Variants in SMG6 observed in about 807,000 individuals in gnomAD.
SMG6 encodes the protein SMG6 nonsense mediated mRNA decay factor, also known as telomerase-binding protein EST1A.
A neutral mutation model predicts 142.2 loss-of-function variants in SMG6; 66 were observed. The ratio of observed to expected loss-of-function variants is 0.46; its 90% CI spans 0.38 to 0.57. The LOEUF (loss-of-function observed/expected upper bound fraction) is 0.57, where lower values mean the gene tolerates loss of function less well. Ranked by LOEUF, SMG6 falls within the 20% of genes least tolerant of loss-of-function variation. The probability of loss-of-function intolerance (pLI) is 0.00; values close to 1 mark genes in which losing one functional copy is unlikely to be tolerated. For synonymous variants in SMG6, 779 were observed against 702.4 expected, an observed-to-expected ratio of 1.11 and a Z score of -1.72; for missense variants, 1,793 against 1,832.0, an observed-to-expected ratio of 0.98 and a Z score of 0.39.
intron 10 of SMG6, among the ~76,000 whole-genome samples, chr17:2,192,021 T>C (rs1378370252): frequency 1.3e-5 from 2 of 152,196 alleles, no homozygotes; most frequent in Non-Finnish European, 2.9e-5. Context: ...GGAAAAGTGA[T>C]AAACACGTCC....
chr17:2,220,666 T>G (rs750933891), intron 10 of SMG6, among the ~76,000 whole-genome samples: 4 of 152,238 alleles, frequency 2.6e-5, no homozygotes, highest in Non-Finnish European at 5.9e-5. Flanking sequence ...ATTCAGTTTA[T>G]ACTAGGTTGG....
chr17:2,087,329 G>C, intron 13 of SMG6: 1 of 1,213,982 alleles, frequency 8.2e-7, no homozygotes, highest in Non-Finnish European at 1.1e-6. Context: ...GAGCACCGCT[G>C]TGCAGGCTGG....
chr17:2,237,141 C>T (rs888990208), intron 9 of SMG6: 2 of 150,328 alleles, frequency 1.3e-5, no homozygotes, highest in African/African-American at 2.4e-5. Context: ...AATCTCGGCT[C>T]ACTGCAACCT....
chr17:2,156,589 G>C (rs2071014078), intron 13 of SMG6, among the ~76,000 whole-genome samples: 1 of 151,866 alleles, frequency 6.6e-6, no homozygotes, highest in South Asian at 2.1e-4. Context: ...TCCCTTATGA[G>C]CATTTACAAA....
At chr17:2,211,402 C>T (rs765872561) in intron 10 of SMG6, among the ~76,000 whole-genome samples, 1 of 152,096 alleles carries the variant, frequency 6.6e-6, no homozygotes, top group Admixed American at 6.5e-5. Flanking sequence ...CGGTGGCTCA[C>T]GCCTGTAATC....
At chr17:2,287,125 G>A (rs1306358153) in intron 6 of SMG6, among the ~76,000 whole-genome samples, 1 of 151,878 alleles carries the variant, frequency 6.6e-6, no homozygotes, top group Non-Finnish European at 1.5e-5. Flanking sequence ...TAGAGACGGG[G>A]TTTCATCGTG....
chr17:2,253,899 C>T (rs2151318965), intron 8 of SMG6, among the ~76,000 whole-genome samples: 1 of 152,282 alleles, frequency 6.6e-6, no homozygotes, highest in African/African-American at 2.4e-5. Context: ...AGAAACAGAA[C>T]ACACCCAAGC....
intron 15 of SMG6, among the ~76,000 whole-genome samples, chr17:2,069,919 T>C (rs2068054082): frequency 6.6e-6 from 1 of 152,236 alleles, no homozygotes; most frequent in African/African-American, 2.4e-5. Flanking sequence ...CTTTGTCACT[T>C]TTTTTCTTAG....
chr17:2,141,303 G>C (rs555834423), intron 13 of SMG6, among the ~76,000 whole-genome samples: 12 of 152,302 alleles, frequency 7.9e-5, no homozygotes, highest in African/African-American at 2.6e-4. Flanking sequence ...TTAGCTTAGA[G>C]AAAAGAAAAC....
At chr17:2,174,862 C>G (rs527724946) in intron 12 of SMG6, among the ~76,000 whole-genome samples, 2 of 152,360 alleles carry the variant, frequency 1.3e-5, no homozygotes, top group South Asian at 4.1e-4. Flanking sequence ...ACGCGGCATT[C>G]AGGCTACCAG....
chr17:2,230,404 G>GGGATATT (rs1265139351), intron 10 of SMG6, among the ~76,000 whole-genome samples: 1 of 149,764 alleles, frequency 6.7e-6, no homozygotes, highest in African/African-American at 2.5e-5. Context: ...TGGGCAACAT[G>GGGATATT]GGATATTGCA....
intron 17 of SMG6, 62 bp downstream of exon 17, chr17:2,065,406 T>C (rs1301313437): frequency 3.9e-6 from 6 of 1,531,218 alleles, no homozygotes; most frequent in Non-Finnish European, 5.3e-6. Context: ...CAGCCCTTCC[T>C]TCCTGGAGAC....
chr17:2,229,138 AC>A (rs972137765), intron 10 of SMG6, among the ~76,000 whole-genome samples: 1 of 152,190 alleles, frequency 6.6e-6, no homozygotes, highest in Non-Finnish European at 1.5e-5. Flanking sequence ...AAACACTTCT[AC>A]CAACTAGTCA....
chr17:2,283,300 C>A (rs2074831451), intron 7 of SMG6, among the ~76,000 whole-genome samples: 1 of 152,144 alleles, frequency 6.6e-6, no homozygotes, highest in African/African-American at 2.4e-5. Flanking sequence ...AGAGTGTCAT[C>A]TGCTTTGTTT....
intron 13 of SMG6, among the ~76,000 whole-genome samples, chr17:2,142,102 T>C (rs1011123646): frequency 2.0e-5 from 3 of 152,110 alleles, no homozygotes; most frequent in African/African-American, 7.2e-5. Flanking sequence ...TGGGCTCCAG[T>C]GATCCTCCTG....
At chr17:2,118,110 G>A (rs2069563516) in intron 13 of SMG6, among the ~76,000 whole-genome samples, 1 of 152,162 alleles carries the variant, frequency 6.6e-6, no homozygotes, top group Non-Finnish European at 1.5e-5. Context: ...AGGTGTGGTG[G>A]TGCTTGCTTA....
rs1002098826 is a variant in SMG6, at chr17:2,221,208, C to T, written c.2869+15284G>A. ...CAAATCTCATGATGAATTGTAATTT[C>T]CAGTGCTGGAGGTGGGGCCTGGTAG... is the stretch of plus-strand genomic sequence containing the variant. On this transcript the variant is annotated intron_variant, in intron 10 of 18. Coordinates refer to ENST00000263073, the MANE Select transcript of SMG6 (RefSeq NM_017575.5). Among the ~76,000 whole-genome samples, 6 of 152,226 alleles carry T rather than the reference C, an allele frequency of 3.9e-5. No homozygotes were observed. The East Asian group carries it at 1.2e-3, about 29-fold the overall frequency.
At chr17:2,125,985 T>G (rs1389460125) in intron 13 of SMG6, among the ~76,000 whole-genome samples, 2 of 151,052 alleles carry the variant, frequency 1.3e-5, no homozygotes, top group Non-Finnish European at 2.9e-5. Flanking sequence ...TATGGAATCT[T>G]AAGGGACCCC....
At chr17:2,094,150 G>C (rs4061659) in intron 13 of SMG6, among the ~76,000 whole-genome samples, 78,585 of 152,094 alleles carry the variant, frequency 0.52, 21,331 homozygotes, top group Admixed American at 0.62. Flanking sequence ...CAATTGCCTT[G>C]TCCATGAGGT....
Sources: gnomAD v4.1 joint callset for allele counts (sites outside exome capture counted in the v4.1 genomes callset) on GRCh38, gnomAD v4.1.1 for gene constraint, MANE v1.5 for transcripts, NCBI Gene and HGNC (gene_info 2026-07-23, HGNC 2026-07-21) for gene names.